The following VOPP1 variants were observed in gnomAD, a reference collection of about 807,000 sequenced individuals.
VOPP1 encodes the protein VOPP1 WW domain binding protein.
Under a neutral mutation model 23.5 loss-of-function variants are expected in VOPP1, and 8 were observed. That is an observed-to-expected ratio of 0.34 (90% confidence interval 0.20 to 0.61). The LOEUF (loss-of-function observed/expected upper bound fraction) is 0.61, where lower values mean the gene tolerates loss of function less well. VOPP1 is among the 20% of genes least tolerant of loss of function. The probability of loss-of-function intolerance (pLI) is 0.78; values close to 1 mark genes in which losing one functional copy is unlikely to be tolerated. For synonymous variants in VOPP1, 83 were observed against 97.3 expected, an observed-to-expected ratio of 0.85 and a Z score of 0.86; for missense variants, 174 against 238.1, an observed-to-expected ratio of 0.73 and a Z score of 1.77.
intron 3 of VOPP1, among the ~76,000 whole-genome samples, chr7:55,495,526 T>C (rs979747150): frequency 2.6e-5 from 4 of 152,210 alleles, no homozygotes; most frequent in Non-Finnish European, 5.9e-5. Context: ...GCTGTCCCTC[T>C]GCCCCAAACG....
In VOPP1 at chr7:55,472,919, G is replaced by T. The variant is rs570924730; in HGVS notation, c.455C>A (p.Pro152Gln). The change falls in exon 5 of 5, where the codon CCG (proline) becomes CAG (glutamine). Residue 152 changes from proline (P) to glutamine (Q), a missense_variant. Transcript: ENST00000285279. ...CGTGTTGCAGTAGGCTGGAGGGGGC[G>T]GGCAGGCCACACTCCCCTGGGGTGA... ...PNSPQGSVAC[P>Q]PPPAYCNTPP... The T allele has an allele frequency of 1.3e-6, 2 of 1,542,410 alleles. No homozygotes were observed. The highest frequency in any genetic ancestry group is 2.5e-5 in the South Asian group (2 of 81,042).
At chr7:55,496,490 C>T (rs1300196951) in intron 3 of VOPP1, among the ~76,000 whole-genome samples, 4 of 152,326 alleles carry the variant, frequency 2.6e-5, no homozygotes, top group Admixed American at 2.6e-4. Flanking sequence ...AGTGTGGGGA[C>T]CTGACACCAG....
Position 55,521,134 on chromosome 7 carries a change from C to T in VOPP1, c.55-4G>A. 6.4e-7 allele frequency: 1 copy of T among 1,572,406 alleles called. No individual in the cohort carries two copies. Among genetic ancestry groups the T allele is most frequent in the Non-Finnish European group, 8.6e-7 (1 of 1,157,806 alleles). On this transcript the variant is annotated splice_polypyrimidine_tract_variant and splice_region_variant and intron_variant, in intron 1 of 4. Transcript: ENST00000285279. ...AATGCTTTTTGGCTTCTGTGCACTG[C>T]AAATAGAAGCAAGAAAAAGTTTGTC...
At chr7:55,531,180 A>G (rs568384303) in intron 1 of VOPP1, among the ~76,000 whole-genome samples, 2 of 152,388 alleles carry the variant, frequency 1.3e-5, no homozygotes, top group East Asian at 3.9e-4. Flanking sequence ...CATGAGTGGG[A>G]GACTTCATTA....
intron 1 of VOPP1, among the ~76,000 whole-genome samples, chr7:55,556,893 C>A (rs1294268068): frequency 6.6e-6 from 1 of 152,016 alleles, no homozygotes; most frequent in Admixed American, 6.6e-5. Flanking sequence ...ACTATTACAC[C>A]CTCTGTTAAG....
At chr7:55,512,217 G>A (rs1280587708) in intron 2 of VOPP1, among the ~76,000 whole-genome samples, 1 of 152,156 alleles carries the variant, frequency 6.6e-6, no homozygotes, top group African/African-American at 2.4e-5. Context: ...CTTGAGGTCA[G>A]GAGTTCGAGA....
intron 1 of VOPP1, among the ~76,000 whole-genome samples, chr7:55,540,036 C>T (rs747828536): frequency 6.6e-6 from 1 of 151,874 alleles, no homozygotes; most frequent in African/African-American, 2.4e-5. Context: ...CATTTTCTCA[C>T]GGAAATGATG....
intron 1 of VOPP1, among the ~76,000 whole-genome samples, chr7:55,541,574 G>A (rs1026459727): frequency 1.3e-5 from 2 of 152,356 alleles, no homozygotes; most frequent in Non-Finnish European, 1.5e-5. Context: ...AGGCTAAACA[G>A]TCATCACATA....
intron 1 of VOPP1, among the ~76,000 whole-genome samples, chr7:55,541,026 G>GA (rs1195033234): frequency 1.3e-5 from 2 of 152,056 alleles, no homozygotes; most frequent in African/African-American, 2.4e-5. Context: ...GCAGAAACGG[G>GA]AAAAAAATAC....
intron 1 of VOPP1, among the ~76,000 whole-genome samples, chr7:55,540,627 T>G (rs1436403683): frequency 6.6e-6 from 1 of 152,118 alleles, no homozygotes; most frequent in Non-Finnish European, 1.5e-5. Context: ...AGTAAACACG[T>G]GGAGCATAAG....
At chr7:55,561,816 A>T (rs1021735856) in intron 1 of VOPP1, 1 of 612,394 alleles carries the variant, frequency 1.6e-6, no homozygotes, top group African/African-American at 1.9e-5. Flanking sequence ...TAGCTTGCCT[A>T]GGGAGTAGCT....
At position 55,471,072 on chromosome 7, in the gene VOPP1, G is replaced by T. The variant is rs986083089; in HGVS notation, c.*1783C>A. 1.5e-4 allele frequency: 22 copies of T among 150,638 alleles called. No homozygotes were observed. Among genetic ancestry groups the T allele is most frequent in the African/African-American group, 5.1e-4 (21 of 40,972 alleles). 9.3% of individuals were successfully genotyped at this position (150,638 alleles called of 1,614,324 possible). On this transcript the variant is annotated 3_prime_UTR_variant, in exon 5 of 5. Transcript: ENST00000285279. ...CCCGATTCCAGGGGCAGCTTAGTGT[G>T]CTTTTTCATTACAAAAAATAAAGAC... is the stretch of plus-strand genomic sequence containing the variant.
chr7:55,475,197 C>G (rs10281500), intron 4 of VOPP1, among the ~76,000 whole-genome samples: 47,918 of 152,024 alleles, frequency 0.32, 8,127 homozygotes, highest in Non-Finnish European at 0.39. Context: ...ACAGAGAGAA[C>G]TTTCGGGGAG....
intron 4 of VOPP1, among the ~76,000 whole-genome samples, chr7:55,483,012 T>TA (rs1306236998): frequency 1.3e-5 from 2 of 152,098 alleles, no homozygotes; most frequent in Non-Finnish European, 2.9e-5. Flanking sequence ...TGCCAGAAAT[T>TA]AGAGTAAAAG....
Position 55,537,383 on chromosome 7 carries a change from G to A in VOPP1, c.55-16253C>T, listed in dbSNP as rs567518550. 11 of 1,381,732 alleles carry A rather than the reference G, an allele frequency of 8.0e-6. No individual in the cohort carries two copies. In the East Asian group the frequency reaches 1.0e-4, roughly 13 times the overall value. 85.6% of individuals were successfully genotyped at this position (1,381,732 alleles called of 1,614,324 possible). On this transcript the variant is annotated intron_variant, in intron 1 of 4. Transcript: ENST00000285279. ...GCCAACAAGTCAGACCACTGATTTC[G>A]TGCTCCAGCCTTCTGGAGGTAACAC...
intron 3 of VOPP1, among the ~76,000 whole-genome samples, chr7:55,495,445 C>T (rs781041148): frequency 2.6e-5 from 4 of 152,214 alleles, no homozygotes; most frequent in Non-Finnish European, 5.9e-5. Flanking sequence ...ACCAAATGCT[C>T]ATCCTCACCA....
intron 1 of VOPP1, among the ~76,000 whole-genome samples, chr7:55,557,151 C>T (rs1797837459): frequency 6.6e-6 from 1 of 152,172 alleles, no homozygotes; most frequent in Non-Finnish European, 1.5e-5. Flanking sequence ...CATATTCTGA[C>T]CCCTTTCATT....
At chr7:55,452,642 A>G (rs1023346598) in intron 4 of VOPP1, among the ~76,000 whole-genome samples, 1 of 152,248 alleles carries the variant, frequency 6.6e-6, no homozygotes, top group Non-Finnish European at 1.5e-5. Flanking sequence ...GTGTGTTAGC[A>G]GGCATGAAAA....
chr7:55,436,663 TGTGCGTGC>T (rs1235328126), intron 4 of VOPP1, among the ~76,000 whole-genome samples: 3 of 149,898 alleles, frequency 2.0e-5, no homozygotes, highest in Non-Finnish European at 3.0e-5. Flanking sequence ...TGTGTGCGTG[TGTGCGTGC>T]GTGTGCGTGT....
Sources: gnomAD v4.1 joint callset for allele counts (sites outside exome capture counted in the v4.1 genomes callset) on GRCh38, gnomAD v4.1.1 for gene constraint, MANE v1.5 for transcripts, NCBI Gene and HGNC (gene_info 2026-07-23, HGNC 2026-07-21) for gene names.